The following GMDS variants were observed in gnomAD, a reference collection of about 807,000 sequenced individuals.
GMDS encodes GDP-mannose 4,6-dehydratase.
A neutral mutation model predicts 49.9 loss-of-function variants in GMDS; 20 were observed. The observed-to-expected ratio is 0.40, with a 90% CI of 0.28 to 0.58. GMDS has a LOEUF of 0.58. Among genes scored for constraint, GMDS ranks in the 20% least tolerant of loss-of-function variants. The probability of loss-of-function intolerance (pLI) is 0.42; values close to 1 mark genes in which losing one functional copy is unlikely to be tolerated. For synonymous variants in GMDS, 177 were observed against 178.6 expected (o/e 0.99, Z 0.07); for missense variants, 362 against 481.4 (o/e 0.75, Z 2.32).
intron 1 of GMDS, among the ~76,000 whole-genome samples, chr6:2,187,506 T>G (rs1410778766): frequency 6.6e-6 from 1 of 152,168 alleles, no homozygotes; most frequent in Non-Finnish European, 1.5e-5. Flanking sequence ...AGTGTTCTAT[T>G]TAGAAAAAAT....
chr6:1,800,942 C>T (rs1769925079), intron 7 of GMDS, among the ~76,000 whole-genome samples: 1 of 152,184 alleles, frequency 6.6e-6, no homozygotes, highest in South Asian at 2.1e-4. Context: ...GCTGGAGGAG[C>T]GAACTCTGGT....
intron 7 of GMDS, among the ~76,000 whole-genome samples, chr6:1,843,074 C>A (rs1420841018): frequency 1.3e-5 from 2 of 150,332 alleles, no homozygotes; most frequent in African/African-American, 4.9e-5. Context: ...CGTGTCACTG[C>A]TCTCCAGCCT....
intron 1 of GMDS, among the ~76,000 whole-genome samples, chr6:2,192,784 C>T (rs371391280): frequency 3.3e-5 from 5 of 152,192 alleles, no homozygotes; most frequent in Non-Finnish European, 5.9e-5. Flanking sequence ...TGCCAGTCCA[C>T]GCCTGACTCA....
At chr6:2,218,294 G>A (rs1246103644) in intron 1 of GMDS, among the ~76,000 whole-genome samples, 3 of 152,162 alleles carry the variant, frequency 2.0e-5, no homozygotes, top group African/African-American at 7.2e-5. Context: ...CTCTGGAAAT[G>A]CACAGGTGAA....
At chr6:2,115,141 C>A (rs572015988) in intron 4 of GMDS, among the ~76,000 whole-genome samples, 1 of 152,218 alleles carries the variant, frequency 6.6e-6, no homozygotes, top group African/African-American at 2.4e-5. Flanking sequence ...CAGGAGGACA[C>A]GGCAACAAAA....
intron 4 of GMDS, among the ~76,000 whole-genome samples, chr6:2,057,699 G>C (rs1268128992): frequency 6.6e-6 from 1 of 152,094 alleles, no homozygotes; most frequent in African/African-American, 2.4e-5. Flanking sequence ...AATGCAGGGA[G>C]GTATGGAGAA....
At chr6:2,067,268 T>C (rs1297356977) in intron 4 of GMDS, among the ~76,000 whole-genome samples, 3 of 152,164 alleles carry the variant, frequency 2.0e-5, no homozygotes, top group East Asian at 3.9e-4. Context: ...CAAAGCAGTA[T>C]GTAGAGGGAA....
chr6:1,638,090 C>T (rs1763218850), intron 9 of GMDS, among the ~76,000 whole-genome samples: 1 of 152,170 alleles, frequency 6.6e-6, no homozygotes, highest in African/African-American at 2.4e-5. Context: ...CATTTGCCAA[C>T]AACACGGACA....
chr6:2,200,454 G>A (rs1779463783), intron 1 of GMDS, among the ~76,000 whole-genome samples: 1 of 151,164 alleles, frequency 6.6e-6, no homozygotes, highest in East Asian at 2.0e-4. Context: ...AGGGCAGCAT[G>A]TTAGCAGAGA....
intron 6 of GMDS, among the ~76,000 whole-genome samples, chr6:1,935,709 C>G (rs1486799482): frequency 6.6e-6 from 1 of 152,098 alleles, no homozygotes; most frequent in African/African-American, 2.4e-5. Context: ...AAAGTATATC[C>G]ATAAGACCGA....
chr6:1,999,137 C>G (rs1014666886), intron 4 of GMDS, among the ~76,000 whole-genome samples: 1 of 151,992 alleles, frequency 6.6e-6, no homozygotes, highest in African/African-American at 2.4e-5. Context: ...GCCTGGCCAA[C>G]ATGGTGAAAC....
chr6:1,640,074 T>C lies in GMDS; in HGVS notation c.988-15534A>G, dbSNP rs1397970974. On this transcript the variant is annotated intron_variant, in intron 9 of 10. Coordinates refer to ENST00000380815, the MANE Select transcript of GMDS (RefSeq NM_001500.4). The surrounding 1 kb of genome is among the most constrained non-coding windows in gnomAD (Gnocchi z 4.0). ...TAAGTGCCCGACAGACAGCAGCTCC[T>C]GCCACTGCACAGTCAGTGACGGCTC... Among the ~76,000 whole-genome samples, 1 of 152,150 alleles carries C rather than the reference T, an allele frequency of 6.6e-6. No individual in the cohort carries two copies. The highest frequency in any genetic ancestry group is 2.4e-5 in the African/African-American group (1 of 41,426).
chr6:2,061,492 G>A (rs1394936841), intron 4 of GMDS, among the ~76,000 whole-genome samples: 5 of 151,956 alleles, frequency 3.3e-5, no homozygotes, highest in Admixed American at 1.3e-4. Context: ...TGAGGCGGTC[G>A]GATCACTTGA....
intron 9 of GMDS, among the ~76,000 whole-genome samples, chr6:1,690,756 AAAG>A (rs1765141055): frequency 1.3e-5 from 2 of 152,248 alleles, no homozygotes. Flanking sequence ...AAACATATAA[AAAG>A]AAGCTCAACA....
At chr6:2,002,681 G>T (rs1288782280) in intron 4 of GMDS, among the ~76,000 whole-genome samples, 2 of 152,134 alleles carry the variant, frequency 1.3e-5, no homozygotes, top group Non-Finnish European at 2.9e-5. Flanking sequence ...AGATAAGCAT[G>T]ATAGACTTCT....
Position 1,756,779 on chromosome 6 carries a change from C to T in GMDS, c.772-14193G>A, listed in dbSNP as rs149281578. On this transcript the variant is annotated intron_variant, in intron 7 of 10. Transcript: ENST00000380815. ...GCCATTCTCCAGCTAAGCGTTCTGACATTGTTCATTAGTCTAGACGATGCT... is the reference window on the plus strand; with the variant it reads ...GCCATTCTCCAGCTAAGCGTTCTGATATTGTTCATTAGTCTAGACGATGCT... 6.1e-3 allele frequency among the ~76,000 whole-genome samples: 923 copies of T among 152,316 alleles called. 10 individuals are homozygous for T. The highest frequency in any genetic ancestry group is 0.021 in the African/African-American group (886 of 41,570).
intron 4 of GMDS, among the ~76,000 whole-genome samples, chr6:2,071,509 C>T (rs938252798): frequency 2.0e-5 from 3 of 151,778 alleles, no homozygotes; most frequent in Non-Finnish European, 4.4e-5. Context: ...ACATGGCTAC[C>T]TCTTAATTAA....
intron 4 of GMDS, among the ~76,000 whole-genome samples, chr6:1,988,062 C>T (rs528874384): frequency 5.3e-5 from 8 of 152,242 alleles, no homozygotes; most frequent in Admixed American, 2.6e-4. Flanking sequence ...ATATGCACAG[C>T]CCCCATATGC....
At chr6:2,011,399 A>C (rs1399493709) in intron 4 of GMDS, among the ~76,000 whole-genome samples, 1 of 152,242 alleles carries the variant, frequency 6.6e-6, no homozygotes, top group East Asian at 1.9e-4. Flanking sequence ...GATTTCTCAA[A>C]GAACTGAAAA....
Sources: allele counts gnomAD v4.1 joint callset (sites outside exome capture counted in the v4.1 genomes callset), GRCh38; gene constraint gnomAD v4.1.1; non-coding constraint Gnocchi (gnomAD v3.1); transcripts MANE v1.5; gene names NCBI Gene and HGNC (gene_info 2026-07-23, HGNC 2026-07-21).